Variants in INPP4A observed in about 807,000 individuals in gnomAD.
INPP4A encodes the protein inositol polyphosphate-4-phosphatase type I A, also known as inositol polyphosphate-4-phosphatase, type I, 107kD.
In INPP4A, 33 loss-of-function variants were observed where a neutral mutation model predicts 119.8. The observed-to-expected ratio is 0.28, with a 90% confidence interval of 0.21 to 0.37. The LOEUF is 0.37. INPP4A is among the 10% of genes least tolerant of loss of function. The probability of loss-of-function intolerance (pLI) is 1.00; values close to 1 mark genes in which losing one functional copy is unlikely to be tolerated. For synonymous variants in INPP4A, 496 were observed against 500.7 expected (o/e 0.99, Z 0.12); for missense variants, 956 against 1,289.9 (o/e 0.74, Z 3.97).
chr2:98,531,729 T>A (rs1332364970), intron 4 of INPP4A, among the ~76,000 whole-genome samples: 1 of 152,180 alleles, frequency 6.6e-6, no homozygotes, highest in East Asian at 1.9e-4. Context: ...TAGAGAACAT[T>A]TCCTTCAAGA....
At chr2:98,480,073 C>T (rs1301308555) in intron 1 of INPP4A, among the ~76,000 whole-genome samples, 1 of 152,378 alleles carries the variant, frequency 6.6e-6, no homozygotes, top group African/African-American at 2.4e-5. Context: ...CTGTCCTTGC[C>T]AGCACCTCCT....
At chr2:98,564,923 C>A (rs1467740419) in intron 19 of INPP4A, among the ~76,000 whole-genome samples, 160 bp downstream of exon 19, 1 of 152,246 alleles carries the variant, frequency 6.6e-6, no homozygotes, top group Non-Finnish European at 1.5e-5. Context: ...GTTACACACG[C>A]ACACGCCTTG....
Position 98,554,419 on chromosome 2 carries a change from C to T in INPP4A, c.1496C>T (p.Thr499Ile). The T allele has an allele frequency of 1.2e-6, 2 of 1,613,950 alleles. No individual in the cohort carries two copies. Among genetic ancestry groups the T allele is most frequent in the Non-Finnish European group, 8.5e-7 (1 of 1,179,884 alleles). Residue 499 changes from threonine (T) to isoleucine (I), a missense_variant, in exon 15 of 25, where the codon ACC (threonine) becomes ATC (isoleucine). Thr to Ile is a moderately conservative substitution (Grantham distance 89, BLOSUM62 -1). Transcript: ENST00000409851. The surrounding 1 kb of genome is among the most constrained non-coding windows in gnomAD (Gnocchi z 4.7). ...EQVMLRNDQDTLMARWTGRNS... is the reference protein window; with the variant it reads ...EQVMLRNDQDILMARWTGRNS... ...GTGATGCTTAGAAATGACCAGGACA[C>T]CCTCATGGCCCGGTGGACAGGGAGA...
At chr2:98,545,163 T>C (rs80146679) in intron 11 of INPP4A, among the ~76,000 whole-genome samples, 2,404 of 152,270 alleles carry the variant, frequency 0.016, 68 homozygotes, top group African/African-American at 0.055. Context: ...CTATGGCAAA[T>C]TGGAGAACAC....
At chr2:98,511,570 G>A (rs1685126863) in intron 1 of INPP4A, among the ~76,000 whole-genome samples, 1 of 152,124 alleles carries the variant, frequency 6.6e-6, no homozygotes, top group Non-Finnish European at 1.5e-5. Context: ...AGTACAAGAG[G>A]ACCATGATGC....
At position 98,554,840 on chromosome 2, in the gene INPP4A, C is replaced by A. The variant is rs1481004823; in HGVS notation, c.1566+351C>A. ...TTGAGACCAGTCAGTGCTCTGTTTG[C>A]TGTTAGATTTTCCAGGGCTATGTGT... On this transcript the variant is annotated intron_variant, in intron 15 of 24. Transcript: ENST00000409851. The surrounding 1 kb of genome is among the most constrained non-coding windows in gnomAD (Gnocchi z 4.7). Among the ~76,000 whole-genome samples, 1 of 152,144 alleles carries A rather than the reference C, an allele frequency of 6.6e-6. No individual in the cohort carries two copies. The highest frequency in any genetic ancestry group is 1.5e-5 in the Non-Finnish European group (1 of 68,020).
At chr2:98,462,470 AAAAAT>A (rs767736382) in intron 1 of INPP4A, among the ~76,000 whole-genome samples, 1 of 152,134 alleles carries the variant, frequency 6.6e-6, no homozygotes, top group Non-Finnish European at 1.5e-5. Context: ...ATAAATAGAT[AAAAAT>A]AAAATAAAAT....
At chr2:98,535,999 C>T (rs1011776489) in intron 6 of INPP4A, 130 bp from the exon 7 acceptor site, 11 of 718,198 alleles carry the variant, frequency 1.5e-5, no homozygotes, top group African/African-American at 8.9e-5. Context: ...TTAAGCTTTC[C>T]CATTGGGCTT....
At chr2:98,555,498 T>C (rs1338317621) in intron 15 of INPP4A, 55 bp from the exon 16 acceptor site, 9 of 1,542,346 alleles carry the variant, frequency 5.8e-6, no homozygotes, top group African/African-American at 2.7e-5. Context: ...GTTTGTGTTA[T>C]GTTTGTGTTT....
chr2:98,587,965 C>T lies in INPP4A; in HGVS notation c.*357C>T, dbSNP rs6736755. On this transcript the variant is annotated 3_prime_UTR_variant, in exon 25 of 25. Transcript: ENST00000409851. ...TTTCAAATGCCTGCTTGCTCACTTACTTTTCTACAGAGTAACTCAAAAGTA... is the reference window on the plus strand; with the variant it reads ...TTTCAAATGCCTGCTTGCTCACTTATTTTTCTACAGAGTAACTCAAAAGTA... 0.29 allele frequency: 68,149 copies of T among 233,498 alleles called. 10,371 individuals are homozygous for T. Among genetic ancestry groups the T allele is most frequent in the African/African-American group, 0.39 (17,702 of 45,242 alleles). 14.5% of individuals were successfully genotyped at this position (233,498 alleles called of 1,614,324 possible).
chr2:98,480,178 T>C (rs1347737485), intron 1 of INPP4A, among the ~76,000 whole-genome samples: 1 of 152,194 alleles, frequency 6.6e-6, no homozygotes, highest in African/African-American at 2.4e-5. Context: ...AAAGCTTTTT[T>C]TCTGTTTCTG....
At position 98,559,118 on chromosome 2, in the gene INPP4A, C is replaced by T. The variant is rs549938053; in HGVS notation, c.1823-345C>T. 2.6e-5 allele frequency among the ~76,000 whole-genome samples: 4 copies of T among 152,354 alleles called. No homozygotes were observed. The East Asian group carries it at 7.7e-4, about 29-fold the overall frequency. The stretch of plus-strand genomic sequence containing the variant: ...AAGCCAACGCGGGGCTCTGCCACTA[C>T]AATGTGATTTATGTGGGTGCTTTTT... On this transcript the variant is annotated intron_variant, in intron 16 of 24. Transcript: ENST00000409851.
At chr2:98,586,625 C>A (rs894049998) in intron 24 of INPP4A, among the ~76,000 whole-genome samples, 1 of 152,194 alleles carries the variant, frequency 6.6e-6, no homozygotes, top group Non-Finnish European at 1.5e-5. Flanking sequence ...TAGGTGAGGC[C>A]CCCTGGCTGC....
chr2:98,492,495 A>G (rs1336032364), intron 1 of INPP4A, among the ~76,000 whole-genome samples: 4 of 152,200 alleles, frequency 2.6e-5, no homozygotes, highest in Admixed American at 6.5e-5. Context: ...GGGAGGGCCA[A>G]TGCATTAGGC....
At chr2:98,565,489 C>T in intron 19 of INPP4A, 151 bp from the exon 20 acceptor site, 1 of 681,336 alleles carries the variant, frequency 1.5e-6, no homozygotes, top group African/African-American at 1.9e-5. Context: ...GAGTGAGTTG[C>T]AGGGGAAGAG....
intron 14 of INPP4A, among the ~76,000 whole-genome samples, chr2:98,553,556 T>TAC (rs991441001): frequency 2.2e-4 from 33 of 150,350 alleles, no homozygotes; most frequent in Admixed American, 1.5e-3. Flanking sequence ...CACGCTCTCA[T>TAC]ACACACACAC....
At chr2:98,579,645 G>A (rs767032703) in intron 24 of INPP4A, among the ~76,000 whole-genome samples, 2 of 152,198 alleles carry the variant, frequency 1.3e-5, no homozygotes, top group African/African-American at 2.4e-5. Context: ...AAGCTGTAAG[G>A]GCTGTTGTTT....
chr2:98,464,490 C>G (rs1674333741), intron 1 of INPP4A, among the ~76,000 whole-genome samples: 1 of 152,176 alleles, frequency 6.6e-6, no homozygotes, highest in Non-Finnish European at 1.5e-5. Flanking sequence ...ATGAGTCAAG[C>G]TGAAAAGCAG....
intron 1 of INPP4A, among the ~76,000 whole-genome samples, chr2:98,485,999 G>A (rs754147887): frequency 6.6e-6 from 1 of 152,202 alleles, no homozygotes; most frequent in Non-Finnish European, 1.5e-5. Context: ...CTAGAGTCAG[G>A]CCTGCTTGAA....
Sources: gnomAD v4.1 joint callset for allele counts (sites outside exome capture counted in the v4.1 genomes callset) on GRCh38, gnomAD v4.1.1 for gene constraint, Gnocchi (gnomAD v3.1) non-coding constraint, MANE v1.5 for transcripts, NCBI Gene and HGNC (gene_info 2026-07-23, HGNC 2026-07-21) for gene names.